The following NBAS variants were observed in gnomAD, a reference collection of about 807,000 sequenced individuals.
NBAS encodes NBAS subunit of NRZ tethering complex, also known as NAG/BC035112 fusion.
In NBAS, 219 loss-of-function variants were observed where a neutral mutation model predicts 302.5. That is an observed-to-expected ratio of 0.72 (90% CI 0.65 to 0.81). The LOEUF (loss-of-function observed/expected upper bound fraction) is 0.81. Ranked by LOEUF, NBAS falls within the 30% of genes least tolerant of loss-of-function variation. The pLI is 0.00. For synonymous variants in NBAS, 1,118 were observed against 1,021.6 expected, an observed-to-expected ratio of 1.09 and a Z score of -1.80; for missense variants, 2,932 against 2,841.6, an observed-to-expected ratio of 1.03 and a Z score of -0.72.
At chr2:15,166,431 A>G (rs772608411), downstream of NBAS, among the ~76,000 whole-genome samples, 2 of 152,194 alleles carry the variant, frequency 1.3e-5, no homozygotes, top group Non-Finnish European at 2.9e-5. Context: ...GAAGGTCATA[A>G]TTCATATACT....
At chr2:14,779,819 G>C in the NBAS span, among the ~76,000 whole-genome samples, 1 of 152,184 alleles carries the variant, frequency 6.6e-6, no homozygotes, top group Non-Finnish European at 1.5e-5. Flanking sequence ...CCCAGTGTCT[G>C]CAAGAGTTTA....
At chr2:15,034,237 A>AAAGAAAGAAAG in the NBAS span, among the ~76,000 whole-genome samples, 4 of 80,318 alleles carry the variant, frequency 5.0e-5, no homozygotes, top group Admixed American at 3.6e-4. Context: ...AGAAAGAAGG[A>AAAGAAAGAAAG]AAGAAAGAAA....
At chr2:15,364,806 T>C (rs557925730) in intron 32 of NBAS, among the ~76,000 whole-genome samples, 1 of 152,146 alleles carries the variant, frequency 6.6e-6, no homozygotes, top group East Asian at 1.9e-4. Flanking sequence ...TCATAAAAGA[T>C]GATGACCTGC....
At chr2:15,539,118 C>G in intron 7 of NBAS, 105 bp downstream of exon 7, 1 of 1,469,236 alleles carries the variant, frequency 6.8e-7, no homozygotes, top group Non-Finnish European at 9.4e-7. Context: ...GCTTATTATT[C>G]TGATTTATAT....
At chr2:14,793,768 A>T in the NBAS span, among the ~76,000 whole-genome samples, 1 of 152,204 alleles carries the variant, frequency 6.6e-6, no homozygotes, top group African/African-American at 2.4e-5. Context: ...CCAAAATATA[A>T]TTAAACTTTT....
In NBAS at chr2:15,356,366, G is replaced by A. The variant is rs920398447; in HGVS notation, c.3868C>T (p.Gln1290Ter). 6 of 1,613,778 alleles carry A rather than the reference G, an allele frequency of 3.7e-6. No individual in the cohort carries two copies. Among genetic ancestry groups the A allele is most frequent in the Non-Finnish European group, 5.1e-6 (6 of 1,179,842 alleles). The change falls in exon 33 of 52, where the codon CAG becomes TAG. Residue 1290 changes from glutamine (Q) to a stop codon, truncating the protein, a stop_gained. Transcript: ENST00000281513. LOFTEE classifies it high-confidence loss of function. Reference sequence around the variant, plus strand: ...TTGTAGTCATGGAAGCGAAGTGCCTGCTCCACTAAAAGGATTAGAACCTGT... The same window carrying A: ...TTGTAGTCATGGAAGCGAAGTGCCTACTCCACTAAAAGGATTAGAACCTGT... Reference protein sequence around the residue: ...RGQVLILLVEQALRFHDYKAA... With the variant: ...RGQVLILLVE
chr2:15,502,764 G>C (rs1328508794), intron 11 of NBAS, among the ~76,000 whole-genome samples: 1 of 152,188 alleles, frequency 6.6e-6, no homozygotes, highest in African/African-American at 2.4e-5. Context: ...CATTACTGTA[G>C]ACTTTAGAAA....
chr2:14,818,000 G>C, the NBAS span, among the ~76,000 whole-genome samples: 1 of 152,046 alleles, frequency 6.6e-6, no homozygotes, highest in African/African-American at 2.4e-5. Context: ...TGATCATACT[G>C]TTCTTTCCAC....
chr2:15,053,988 C>T, the NBAS span, among the ~76,000 whole-genome samples: 74,662 of 151,210 alleles, frequency 0.49, 20,726 homozygotes, highest in African/African-American at 0.77. Flanking sequence ...ATTTTTGAGG[C>T]ATTATGGTGG....
At chr2:15,313,288 T>C (rs966249433) in intron 38 of NBAS, among the ~76,000 whole-genome samples, 14 of 152,232 alleles carry the variant, frequency 9.2e-5, no homozygotes, top group Admixed American at 3.3e-4. Flanking sequence ...CACAAATACA[T>C]ATAATTTTAA....
At chr2:15,065,542 C>T in the NBAS span, among the ~76,000 whole-genome samples, 1 of 152,056 alleles carries the variant, frequency 6.6e-6, no homozygotes, top group Non-Finnish European at 1.5e-5. Context: ...AATAAACTCA[C>T]TGAAGTTGCA....
the NBAS span, among the ~76,000 whole-genome samples, chr2:15,152,785 A>G: frequency 6.6e-6 from 1 of 152,264 alleles, no homozygotes; most frequent in Non-Finnish European, 1.5e-5. Flanking sequence ...TTATATTTGC[A>G]GCAAGAAGTG....
At chr2:15,053,654 C>A in the NBAS span, among the ~76,000 whole-genome samples, 1 of 151,944 alleles carries the variant, frequency 6.6e-6, no homozygotes, top group African/African-American at 2.4e-5. Flanking sequence ...CCCCTGCAGA[C>A]CCGGGGGGAT....
the NBAS span, among the ~76,000 whole-genome samples, chr2:15,058,096 T>A: frequency 6.6e-6 from 1 of 152,220 alleles, no homozygotes; most frequent in Admixed American, 6.5e-5. Flanking sequence ...CTACTGGGTA[T>A]CTTCCCAAAG....
At chr2:14,811,560 T>C in the NBAS span, among the ~76,000 whole-genome samples, 3 of 152,112 alleles carry the variant, frequency 2.0e-5, no homozygotes, top group Non-Finnish European at 4.4e-5. Flanking sequence ...GATACTGGCA[T>C]TTAGGAGGTA....
intron 21 of NBAS, among the ~76,000 whole-genome samples, chr2:15,430,817 T>C (rs1160574929): frequency 4.6e-5 from 7 of 152,002 alleles, no homozygotes; most frequent in Non-Finnish European, 1.0e-4. Flanking sequence ...ACTTTTTTTT[T>C]CTTTTTTGAG....
the NBAS span, among the ~76,000 whole-genome samples, chr2:15,056,682 C>A: frequency 6.6e-6 from 1 of 152,152 alleles, no homozygotes; most frequent in Non-Finnish European, 1.5e-5. Flanking sequence ...GGAAGGAACT[C>A]CTTGGCTCTA....
intron 47 of NBAS, among the ~76,000 whole-genome samples, chr2:15,222,281 A>C (rs2147896809): frequency 6.6e-6 from 1 of 152,310 alleles, no homozygotes; most frequent in Middle Eastern, 3.4e-3. Context: ...CTTTTGATGA[A>C]GGCCTGAAGC....
chr2:15,387,566 T>C (rs1241761896), intron 28 of NBAS, among the ~76,000 whole-genome samples: 2 of 152,166 alleles, frequency 1.3e-5, no homozygotes, highest in Admixed American at 6.5e-5. Flanking sequence ...TCCTTTGAAA[T>C]GAGTAGCTAA....
Sources: gnomAD v4.1 joint callset for allele counts (sites outside exome capture counted in the v4.1 genomes callset) on GRCh38, gnomAD v4.1.1 for gene constraint, MANE v1.5 for transcripts, NCBI Gene and HGNC (gene_info 2026-07-23, HGNC 2026-07-21) for gene names.